NXN: variants seen among roughly 807,000 people sequenced by gnomAD.
NXN encodes nucleoredoxin 1.
In NXN, 16 loss-of-function variants were observed where a neutral mutation model predicts 48.6. The observed-to-expected ratio is 0.33, with a 90% CI of 0.22 to 0.50. The LOEUF is 0.50. NXN is among the 20% of genes least tolerant of loss of function. The pLI is 0.98. For synonymous variants in NXN, 281 were observed against 269.6 expected, an observed-to-expected ratio of 1.04 and a Z score of -0.41; for missense variants, 492 against 605.5, an observed-to-expected ratio of 0.81 and a Z score of 1.97.
intron 1 of NXN, among the ~76,000 whole-genome samples, chr17:974,217 G>A (rs1198416767): frequency 2.0e-5 from 3 of 151,764 alleles, no homozygotes; most frequent in Admixed American, 6.6e-5. Context: ...CAGGCGTGGT[G>A]GTGGGCGCCT....
intron 1 of NXN, among the ~76,000 whole-genome samples, chr17:857,068 T>C (rs749899450): frequency 6.6e-6 from 1 of 152,198 alleles, no homozygotes; most frequent in Non-Finnish European, 1.5e-5. Flanking sequence ...CCATTCAAGC[T>C]GCTACAATAG....
intron 5 of NXN, among the ~76,000 whole-genome samples, chr17:812,582 C>T (rs1011511164): frequency 6.6e-6 from 1 of 151,686 alleles, no homozygotes; most frequent in Admixed American, 6.6e-5. Context: ...TGTGTGTGCA[C>T]GTGTGTGTGA....
Position 800,866 on chromosome 17 carries a change from T to C in NXN, c.*83A>G, listed in dbSNP as rs1171491867. On this transcript the variant is annotated 3_prime_UTR_variant, in exon 8 of 8. Transcript: ENST00000336868. ...TTGGGTGGTGGGATTCGGGGCACGC[T>C]GGGTAAGTCCAAGGGCGGAAGGAAG... is the stretch of plus-strand genomic sequence containing the variant. 1 of 993,874 alleles carries C rather than the reference T, an allele frequency of 1.0e-6. No homozygotes were observed. Among genetic ancestry groups the C allele is most frequent in the African/African-American group, 1.7e-5 (1 of 59,452 alleles). The allele number at this position is 993,874 out of a possible 1,614,324, so 61.6% of individuals were successfully genotyped here. A position where few individuals can be genotyped will look rare whatever the true frequency, so the allele number is the denominator to read the frequency against.
At chr17:875,815 T>G (rs1392843518) in intron 1 of NXN, among the ~76,000 whole-genome samples, 1 of 151,602 alleles carries the variant, frequency 6.6e-6, no homozygotes, top group Non-Finnish European at 1.5e-5. Context: ...TCAGGGGGTC[T>G]CAAGCTCCTG....
At chr17:827,573 G>A (rs1216452028) in intron 1 of NXN, among the ~76,000 whole-genome samples, 3 of 152,316 alleles carry the variant, frequency 2.0e-5, no homozygotes, top group South Asian at 4.1e-4. Context: ...CGGTGAGCCA[G>A]GATCACACCA....
intron 1 of NXN, among the ~76,000 whole-genome samples, chr17:933,724 T>C (rs897970570): frequency 1.3e-5 from 2 of 152,098 alleles, no homozygotes; most frequent in African/African-American, 4.8e-5. Context: ...AGTAAATCCA[T>C]ATCCGTATTA....
chr17:867,658 G>T (rs2068107447), intron 1 of NXN, among the ~76,000 whole-genome samples: 1 of 152,198 alleles, frequency 6.6e-6, no homozygotes, highest in Admixed American at 6.6e-5. Context: ...CAGCGTGGTG[G>T]CTCTTCCCTG....
chr17:875,788 C>T (rs1050837316), intron 1 of NXN, among the ~76,000 whole-genome samples: 18 of 151,892 alleles, frequency 1.2e-4, no homozygotes, highest in African/African-American at 2.7e-4. Flanking sequence ...TTGTAGAACC[C>T]GGTCTCATTT....
At chr17:892,662 G>A (rs971921654) in intron 1 of NXN, among the ~76,000 whole-genome samples, 3 of 152,202 alleles carry the variant, frequency 2.0e-5, no homozygotes, top group Non-Finnish European at 4.4e-5. Context: ...GGGGGGTGCT[G>A]TTCCGCACAT....
chr17:958,629 G>T lies in NXN; in HGVS notation c.360+20690C>A, dbSNP rs534357540. Among the ~76,000 whole-genome samples the T allele has an allele frequency of 6.6e-6, 1 of 152,226 alleles. No individual in the cohort carries two copies. The highest frequency in any genetic ancestry group is 1.9e-4 in the East Asian group (1 of 5,184). On this transcript the variant is annotated intron_variant, in intron 1 of 7. Coordinates refer to ENST00000336868, the MANE Select transcript of NXN (RefSeq NM_022463.5). The surrounding 1 kb of genome is among the most constrained non-coding windows in gnomAD (Gnocchi z 6.9). ...GTACTAAAAATACAAAAATTAGCCAGGCGTGGTGGCGTGCGCCTGTAGTCC... is the reference window on the plus strand; with the variant it reads ...GTACTAAAAATACAAAAATTAGCCATGCGTGGTGGCGTGCGCCTGTAGTCC...
Position 849,649 on chromosome 17 carries a change from G to A in NXN, c.361-23571C>T, listed in dbSNP as rs575961992. Among the ~76,000 whole-genome samples, 12 of 152,288 alleles carry A rather than the reference G, an allele frequency of 7.9e-5. No individual in the cohort carries two copies. Among genetic ancestry groups the A allele is most frequent in the Non-Finnish European group, 1.2e-4 (8 of 68,030 alleles). Reference sequence around the variant, plus strand: ...TCCCTCCACGTCCTTGTCCTCTGGCGGCCAGCTGCCTCATCCCTTTACCTC... The same window carrying A: ...TCCCTCCACGTCCTTGTCCTCTGGCAGCCAGCTGCCTCATCCCTTTACCTC... On this transcript the variant is annotated intron_variant, in intron 1 of 7. Coordinates refer to ENST00000336868, the MANE Select transcript of NXN (RefSeq NM_022463.5). This position sits in a 1 kb window ranked among gnomAD's most constrained non-coding sequence, Gnocchi z 4.2.
intron 5 of NXN, among the ~76,000 whole-genome samples, chr17:816,903 C>G (rs1912497632): frequency 6.6e-6 from 1 of 152,126 alleles, no homozygotes; most frequent in South Asian, 2.1e-4. Context: ...CAGCTCCTAC[C>G]CCCAGGCACG....
chr17:803,241 G>A (rs796812770), intron 7 of NXN, among the ~76,000 whole-genome samples: 66 of 152,212 alleles, frequency 4.3e-4, no homozygotes, highest in African/African-American at 1.3e-3. Flanking sequence ...AGCACTCACC[G>A]GGCCGGCTGG....
chr17:888,115 G>A (rs1468509138), intron 1 of NXN, among the ~76,000 whole-genome samples: 1 of 152,180 alleles, frequency 6.6e-6, no homozygotes, highest in East Asian at 1.9e-4. Context: ...ACCGTACGGG[G>A]TACAGAGAGG....
intron 1 of NXN, among the ~76,000 whole-genome samples, chr17:872,162 G>A (rs144640622): frequency 1.3e-5 from 2 of 151,332 alleles, no homozygotes; most frequent in Admixed American, 6.6e-5. Flanking sequence ...CAGAGGCCAC[G>A]ATGCTGAACC....
chr17:947,101 C>T (rs958647098), intron 1 of NXN, among the ~76,000 whole-genome samples: 1 of 152,294 alleles, frequency 6.6e-6, no homozygotes, highest in Admixed American at 6.5e-5. Context: ...CATCCTCTCA[C>T]TCTTAGGCTT....
In NXN at chr17:822,371, G is replaced by C; in HGVS notation, c.699C>G (p.Phe233Leu). ...KEAGQNFEII[F>L]VSADRSEESF... ...GCACGACTGACCTGTCTGCACTAAC[G>C]AAGATGATCTCGAAGTTCTGGCCTG... Residue 233 changes from phenylalanine (F) to leucine (L), a missense_variant, in exon 4 of 8, where the codon TTC (phenylalanine) becomes TTG (leucine). Phe to Leu is a conservative substitution (Grantham distance 22). Coordinates refer to ENST00000336868, the MANE Select transcript of NXN (RefSeq NM_022463.5). 2 of 1,613,768 alleles carry C rather than the reference G, an allele frequency of 1.2e-6. No individual in the cohort carries two copies. Among genetic ancestry groups the C allele is most frequent in the Non-Finnish European group, 1.7e-6 (2 of 1,179,700 alleles).
chr17:883,716 T>A (rs2068310777), intron 1 of NXN, among the ~76,000 whole-genome samples: 1 of 152,164 alleles, frequency 6.6e-6, no homozygotes, highest in South Asian at 2.1e-4. Context: ...GGGGCAGGAC[T>A]TCAGGGGTCA....
chr17:951,907 C>G (rs1439485967), intron 1 of NXN, among the ~76,000 whole-genome samples: 5 of 152,140 alleles, frequency 3.3e-5, no homozygotes, highest in Non-Finnish European at 7.4e-5. Flanking sequence ...TCAGCCTCCC[C>G]GAGAATGCAC....
Sources: allele counts gnomAD v4.1 joint callset (sites outside exome capture counted in the v4.1 genomes callset), GRCh38; gene constraint gnomAD v4.1.1; non-coding constraint Gnocchi (gnomAD v3.1); transcripts MANE v1.5; gene names NCBI Gene and HGNC (gene_info 2026-07-23, HGNC 2026-07-21).